SPAG16: variants seen among roughly 807,000 people sequenced by gnomAD.
SPAG16 encodes the protein sperm associated antigen 16.
In SPAG16, 86 loss-of-function variants were observed where a neutral mutation model predicts 80.4. The ratio of observed to expected loss-of-function variants is 1.07; its 90% confidence interval spans 0.90 to 1.28. The LOEUF (loss-of-function observed/expected upper bound fraction) is 1.28. Among genes scored for constraint, SPAG16 ranks in the 50% most tolerant of loss-of-function variants. The pLI, the probability that SPAG16 is intolerant of heterozygous loss-of-function variation, is 0.00. For missense variants in SPAG16, 870 were observed against 765.3 expected (o/e 1.14, Z -1.61); for synonymous variants, 294 against 265.9 (o/e 1.11, Z -1.03).
At chr2:213,612,701 C>T (rs189383385) in intron 10 of SPAG16, among the ~76,000 whole-genome samples, 8 of 152,168 alleles carry the variant, frequency 5.3e-5, no homozygotes, top group Middle Eastern at 3.4e-3. Context: ...TTTTTTGAGA[C>T]GCAGTTTCGC....
intron 10 of SPAG16, among the ~76,000 whole-genome samples, chr2:213,723,799 C>A (rs1033733560): frequency 6.6e-6 from 1 of 152,142 alleles, no homozygotes; most frequent in African/African-American, 2.4e-5. Flanking sequence ...CACAGACTCT[C>A]GGTTTGTATA....
intron 15 of SPAG16, among the ~76,000 whole-genome samples, chr2:214,318,995 CATT>C (rs1695889902): frequency 6.6e-6 from 1 of 152,128 alleles, no homozygotes; most frequent in Non-Finnish European, 1.5e-5. Context: ...AAAGCTTTCT[CATT>C]ATGCTGCTAG....
chr2:213,595,074 A>G (rs1186635041), intron 10 of SPAG16, among the ~76,000 whole-genome samples: 1 of 151,886 alleles, frequency 6.6e-6, no homozygotes. Context: ...GTAGCATTCA[A>G]TAGGTATACT....
chr2:213,539,466 C>A (rs2076356988), intron 10 of SPAG16, among the ~76,000 whole-genome samples: 1 of 152,132 alleles, frequency 6.6e-6, no homozygotes, highest in Non-Finnish European at 1.5e-5. Flanking sequence ...AAGTCTTTTT[C>A]AACTTGTACA....
At chr2:213,959,979 T>A (rs1490613774) in intron 12 of SPAG16, among the ~76,000 whole-genome samples, 1 of 152,214 alleles carries the variant, frequency 6.6e-6, no homozygotes, top group Non-Finnish European at 1.5e-5. Context: ...ATATCTCTCT[T>A]ACCCTTTCTC....
In SPAG16 at chr2:213,641,218, A is replaced by G. The variant is rs112196990; in HGVS notation, c.1070+151128A>G. Reference sequence around the variant, plus strand: ...GTCATACAGGTTGTCAGGGAAGTGGAGGAAAGCTGGCAGTGACAGGCCTCA... The same window carrying G: ...GTCATACAGGTTGTCAGGGAAGTGGGGGAAAGCTGGCAGTGACAGGCCTCA... On this transcript the variant is annotated intron_variant, in intron 10 of 15. Transcript: ENST00000331683. 1.5e-3 allele frequency among the ~76,000 whole-genome samples: 227 copies of G among 152,256 alleles called. 1 individual carries two copies. The highest frequency in any genetic ancestry group is 4.4e-3 in the African/African-American group (183 of 41,536).
intron 15 of SPAG16, among the ~76,000 whole-genome samples, chr2:214,285,243 C>T (rs1356228122): frequency 1.3e-5 from 2 of 152,130 alleles, no homozygotes; most frequent in East Asian, 3.9e-4. Flanking sequence ...ACCTTTTCAT[C>T]TACCTGTTGG....
At chr2:213,634,041 T>C (rs531020980) in intron 10 of SPAG16, among the ~76,000 whole-genome samples, 1 of 152,266 alleles carries the variant, frequency 6.6e-6, no homozygotes, top group African/African-American at 2.4e-5. Flanking sequence ...TATTGATAAG[T>C]AAGGAATTAC....
At chr2:213,483,969 T>C (rs913100935) in intron 9 of SPAG16, among the ~76,000 whole-genome samples, 1 of 152,330 alleles carries the variant, frequency 6.6e-6, no homozygotes, top group African/African-American at 2.4e-5. Flanking sequence ...CTTTTATCTC[T>C]GTTCGTTAGT....
intron 9 of SPAG16, among the ~76,000 whole-genome samples, chr2:213,378,239 A>G (rs1197558375): frequency 6.6e-6 from 1 of 152,118 alleles, no homozygotes; most frequent in Non-Finnish European, 1.5e-5. Flanking sequence ...CACTGACTCA[A>G]ATGTTAATCT....
chr2:213,420,209 C>CT (rs2069502608), intron 9 of SPAG16, among the ~76,000 whole-genome samples: 1 of 152,154 alleles, frequency 6.6e-6, no homozygotes, highest in South Asian at 2.1e-4. Context: ...GGAACTTACT[C>CT]TTCACGGAGA....
intron 6 of SPAG16, among the ~76,000 whole-genome samples, chr2:213,348,840 C>A (rs933166179): frequency 6.6e-6 from 1 of 152,172 alleles, no homozygotes. Context: ...TTTGGTGAAT[C>A]TGACAATTAT....
intron 11 of SPAG16, among the ~76,000 whole-genome samples, chr2:213,929,119 C>T (rs1575578373): frequency 6.7e-6 from 1 of 149,428 alleles, no homozygotes; most frequent in African/African-American, 2.5e-5. Flanking sequence ...GTTCAAGCAA[C>T]TCTCCTGCCT....
chr2:214,300,081 A>G (rs898931273), intron 15 of SPAG16, among the ~76,000 whole-genome samples: 3 of 152,192 alleles, frequency 2.0e-5, no homozygotes, highest in Non-Finnish European at 4.4e-5. Context: ...GTTTCCTATT[A>G]TAAAAGAGAA....
At chr2:214,073,566 A>T (rs555961180) in intron 13 of SPAG16, among the ~76,000 whole-genome samples, 2 of 152,268 alleles carry the variant, frequency 1.3e-5, no homozygotes, top group East Asian at 3.9e-4. Context: ...TATATGCAGG[A>T]ATATTTCATG....
intron 13 of SPAG16, among the ~76,000 whole-genome samples, chr2:214,046,051 A>G (rs2049304809): frequency 6.6e-6 from 1 of 152,202 alleles, no homozygotes; most frequent in African/African-American, 2.4e-5. Flanking sequence ...TGAAAGGATT[A>G]TTAGCAGCCA....
At chr2:214,023,174 A>G (rs1224150758) in intron 13 of SPAG16, among the ~76,000 whole-genome samples, 4 of 151,936 alleles carry the variant, frequency 2.6e-5, no homozygotes, top group Non-Finnish European at 5.9e-5. Flanking sequence ...TATGTTCAAC[A>G]GGCCTTTGTT....
intron 11 of SPAG16, among the ~76,000 whole-genome samples, chr2:213,923,191 G>C (rs1286807499): frequency 7.2e-6 from 1 of 139,612 alleles, no homozygotes; most frequent in Non-Finnish European, 1.6e-5. Context: ...CCAGTGGCAG[G>C]GGTTGGTGGG....
At chr2:213,688,084 G>A (rs1022937106) in intron 10 of SPAG16, among the ~76,000 whole-genome samples, 1 of 152,174 alleles carries the variant, frequency 6.6e-6, no homozygotes, top group Admixed American at 6.5e-5. Flanking sequence ...GGTCCAGAAA[G>A]GTGGGGCAGT....
Sources: gnomAD v4.1 joint callset for allele counts (sites outside exome capture counted in the v4.1 genomes callset) on GRCh38, gnomAD v4.1.1 for gene constraint, MANE v1.5 for transcripts, NCBI Gene and HGNC (gene_info 2026-07-23, HGNC 2026-07-21) for gene names.